Variants in SLC4A4 observed in about 807,000 individuals in gnomAD.
SLC4A4 encodes the protein electrogenic sodium bicarbonate cotransporter 1.
Under a neutral mutation model 111.5 loss-of-function variants are expected in SLC4A4, and 27 were observed. That is an observed-to-expected ratio of 0.24 (90% CI 0.18 to 0.33). The LOEUF is 0.33. SLC4A4 is among the 10% of genes least tolerant of loss of function. SLC4A4 has a pLI of 1.00. For missense variants in SLC4A4, 909 were observed against 1,315.5 expected (o/e 0.69, Z 4.78); for synonymous variants, 443 against 463.4 (o/e 0.96, Z 0.57).
At chr4:71,214,379 C>T (rs1025493948) in intron 1 of SLC4A4, among the ~76,000 whole-genome samples, 17 of 152,154 alleles carry the variant, frequency 1.1e-4, no homozygotes, top group Non-Finnish European at 5.9e-5. Context: ...GTTAGCATTT[C>T]CTGATCAAGA....
intron 6 of SLC4A4, among the ~76,000 whole-genome samples, chr4:71,376,191 A>ACACG (rs1162756784): frequency 6.7e-6 from 1 of 150,158 alleles, no homozygotes; most frequent in Non-Finnish European, 1.5e-5. Flanking sequence ...ACACACACAC[A>ACACG]CATATATATG....
At chr4:71,407,302 T>C (rs926064710) in intron 7 of SLC4A4, among the ~76,000 whole-genome samples, 6 of 152,186 alleles carry the variant, frequency 3.9e-5, no homozygotes, top group Admixed American at 2.0e-4. Context: ...CCACAATGAT[T>C]AAAATACTCA....
At chr4:71,567,350 G>A (rs192146640) in intron 25 of SLC4A4, among the ~76,000 whole-genome samples, 255 of 151,638 alleles carry the variant, frequency 1.7e-3, no homozygotes, top group African/African-American at 5.9e-3. Context: ...TTTCAGTATC[G>A]TCCCTGATTT....
At chr4:71,449,624 A>G (rs1725579452) in intron 9 of SLC4A4, among the ~76,000 whole-genome samples, 1 of 152,180 alleles carries the variant, frequency 6.6e-6, no homozygotes, top group Non-Finnish European at 1.5e-5. Flanking sequence ...TTGAACAGGG[A>G]CCATCTTCTC....
intron 15 of SLC4A4, among the ~76,000 whole-genome samples, chr4:71,489,800 C>A (rs1009255048): frequency 1.3e-5 from 2 of 151,650 alleles, no homozygotes; most frequent in African/African-American, 4.8e-5. Flanking sequence ...GGAAAAGTGA[C>A]ATGCATCCCC....
chr4:71,156,588 G>GCGCGCGCACGCACA (rs376043069), intron 2 of SLC4A4, among the ~76,000 whole-genome samples: 51 of 138,510 alleles, frequency 3.7e-4, no homozygotes, highest in African/African-American at 1.3e-3. Context: ...GCGCGCGCGC[G>GCGCGCGCACGCACA]CACACACACA....
At chr4:71,314,622 A>G (rs987642625) in intron 3 of SLC4A4, among the ~76,000 whole-genome samples, 4 of 152,206 alleles carry the variant, frequency 2.6e-5, no homozygotes, top group African/African-American at 9.7e-5. Context: ...TTGCAGAGAC[A>G]TGGATGAAGC....
At chr4:71,489,022 A>C (rs1729667726) in intron 15 of SLC4A4, among the ~76,000 whole-genome samples, 1 of 139,254 alleles carries the variant, frequency 7.2e-6, no homozygotes. Context: ...CACACATACA[A>C]TATAGGTAAA....
At chr4:71,512,405 G>T (rs566016006) in intron 16 of SLC4A4, among the ~76,000 whole-genome samples, 35 of 152,196 alleles carry the variant, frequency 2.3e-4, no homozygotes, top group African/African-American at 8.2e-4. Flanking sequence ...GTGATGCTGA[G>T]CATTTTTTCA....
chr4:71,102,887 A>G (rs1742801112), intron 2 of SLC4A4, among the ~76,000 whole-genome samples: 2 of 151,998 alleles, frequency 1.3e-5, no homozygotes, highest in African/African-American at 4.8e-5. Context: ...ACCAGCTAAC[A>G]TCATAATGAC....
rs1048007117 is a variant in SLC4A4, at chr4:71,379,673, T to C, written c.731-17904T>C. On this transcript the variant is annotated intron_variant, in intron 6 of 25. Transcript: ENST00000264485. ...GCAGAACCCATTCAGTTTTGTATTC[T>C]TGGTGCCAAACATAATGTCACACGC... Among the ~76,000 whole-genome samples, 3 of 152,192 alleles carry C rather than the reference T, an allele frequency of 2.0e-5. No homozygotes were observed. The East Asian group carries it at 5.8e-4, about 29-fold the overall frequency.
At chr4:71,271,803 G>C (rs184561666) in intron 3 of SLC4A4, among the ~76,000 whole-genome samples, 1 of 152,260 alleles carries the variant, frequency 6.6e-6, no homozygotes, top group Admixed American at 6.5e-5. Context: ...TTTGCTGGGT[G>C]CCTATTATGT....
intron 16 of SLC4A4, among the ~76,000 whole-genome samples, chr4:71,521,522 C>T (rs555077230): frequency 1.3e-5 from 2 of 152,202 alleles, no homozygotes; most frequent in East Asian, 3.9e-4. Context: ...ATCTTAGCCA[C>T]CACACATGGT....
intron 18 of SLC4A4, among the ~76,000 whole-genome samples, chr4:71,538,889 C>T (rs535731622): frequency 1.3e-5 from 2 of 152,088 alleles, no homozygotes; most frequent in Non-Finnish European, 2.9e-5. Context: ...GGTCATGATT[C>T]CTTTAAGGTC....
chr4:71,376,737 A>G (rs1252760687), intron 6 of SLC4A4, among the ~76,000 whole-genome samples: 3 of 151,122 alleles, frequency 2.0e-5, no homozygotes, highest in Non-Finnish European at 4.4e-5. Context: ...CTTGGGTTCA[A>G]GCGATTCTCC....
intron 2 of SLC4A4, among the ~76,000 whole-genome samples, chr4:71,153,963 G>A (rs867021093): frequency 6.6e-6 from 1 of 152,154 alleles, no homozygotes; most frequent in Non-Finnish European, 1.5e-5. Flanking sequence ...GAGTGATGAG[G>A]CAGTGAGGTG....
intron 20 of SLC4A4, 115 bp downstream of exon 20, chr4:71,547,835 C>A: frequency 1.1e-6 from 1 of 903,236 alleles, no homozygotes; most frequent in South Asian, 1.3e-5. Context: ...TTCTGTAACA[C>A]ACTGAAGCAG....
chr4:71,394,093 G>A (rs182605036), intron 6 of SLC4A4, among the ~76,000 whole-genome samples: 4 of 152,150 alleles, frequency 2.6e-5, no homozygotes, highest in East Asian at 1.9e-4. Context: ...CCTTATAAAC[G>A]TTGGCTTAAG....
chr4:71,260,274 C>T (rs1471125143), intron 3 of SLC4A4, among the ~76,000 whole-genome samples: 2 of 152,178 alleles, frequency 1.3e-5, no homozygotes, highest in South Asian at 2.1e-4. Context: ...TTCCCCTTTT[C>T]CCAGTGCACA....
Sources: gnomAD v4.1 joint callset for allele counts (sites outside exome capture counted in the v4.1 genomes callset) on GRCh38, gnomAD v4.1.1 for gene constraint, MANE v1.5 for transcripts, NCBI Gene and HGNC (gene_info 2026-07-23, HGNC 2026-07-21) for gene names.